The following LENG8 variants were observed in gnomAD, a reference collection of about 807,000 sequenced individuals.
The protein encoded by LENG8 is leukocyte receptor cluster member 8, also known as leukocyte receptor cluster (LRC) member 8.
LENG8 carries 28 observed loss-of-function variants against 102.1 expected under a neutral mutation model. The observed-to-expected ratio is 0.27, with a 90% CI of 0.20 to 0.38. The LOEUF is 0.38. Ranked by LOEUF, LENG8 falls within the 10% of genes least tolerant of loss-of-function variation. LENG8 has a pLI of 1.00. For missense variants in LENG8, 1,022 were observed against 1,113.9 expected, an observed-to-expected ratio of 0.92 and a Z score of 1.17; for synonymous variants, 531 against 456.7, an observed-to-expected ratio of 1.16 and a Z score of -2.07.
chr19:54,460,016 C>A, intron 15 of LENG8: 1 of 1,260,288 alleles, frequency 7.9e-7, no homozygotes, highest in Non-Finnish European at 1.0e-6. Flanking sequence ...GGGCGCCAGT[C>A]TGTCATTGAC....
In LENG8 at chr19:54,461,801, G is replaced by T. The variant is rs1194400614; in HGVS notation, c.*873G>T. On this transcript the variant is annotated 3_prime_UTR_variant, in exon 16 of 16. Transcript: ENST00000326764. Reference sequence around the variant, plus strand: ...TCTTCCTCCTCTCCCTTTTCTTTTTGGCCCTCCCTCCCTCCCTCTTCTGCC... The same window carrying T: ...TCTTCCTCCTCTCCCTTTTCTTTTTTGCCCTCCCTCCCTCCCTCTTCTGCC... 1 of 622,462 alleles carries T rather than the reference G, an allele frequency of 1.6e-6. No homozygotes were observed. The highest frequency in any genetic ancestry group is 2.1e-5 in the Admixed American group (1 of 46,834). The allele number at this position is 622,462 out of a possible 1,614,324, so 38.6% of individuals were successfully genotyped here. A position where few individuals can be genotyped will look rare whatever the true frequency, so the allele number is the denominator to read the frequency against.
chr19:54,452,582 C>A, intron 3 of LENG8, 69 bp from the exon 4 acceptor site: 2 of 1,294,680 alleles, frequency 1.5e-6, no homozygotes, highest in Non-Finnish European at 2.2e-6. Flanking sequence ...AGTAAACAGG[C>A]TTGCCCTTTG....
chr19:54,456,521 C>T, intron 10 of LENG8, 56 bp downstream of exon 10: 1 of 1,550,192 alleles, frequency 6.5e-7, no homozygotes, highest in South Asian at 1.2e-5. Flanking sequence ...GTACTGGGGA[C>T]CCATGGGAGA....
At chr19:54,455,287 A>C in intron 7 of LENG8, 77 bp from the exon 8 acceptor site, 1 of 1,550,608 alleles carries the variant, frequency 6.4e-7, no homozygotes, top group Non-Finnish European at 8.9e-7. Context: ...CCGCTGTGTC[A>C]GCTCAGAGTG....
At chr19:54,457,641 T>A (rs2084321893) in intron 11 of LENG8, 106 bp from the exon 12 acceptor site, 8 of 834,718 alleles carry the variant, frequency 9.6e-6, no homozygotes, top group Non-Finnish European at 1.6e-5. Flanking sequence ...GCGCCTGGCC[T>A]TTTTTTTCTT....
rs146996814 is a variant in LENG8 at position 54,457,792 on chromosome 19, A to C, written c.1777A>C (p.Lys593Gln). ...CATGGTCAAGTGCCACTGGAAAGAGAAGCAGGACTACGCGTTTGCCTGCGA... is the reference window on the plus strand; with the variant it reads ...CATGGTCAAGTGCCACTGGAAAGAGCAGCAGGACTACGCGTTTGCCTGCGA... ...LCMVKCHWKE[K>Q]QDYAFACEQM... is the part of the protein sequence containing the mutation. The change falls in exon 12 of 16, where the codon AAG becomes CAG. Residue 593 changes from lysine to glutamine, a missense_variant. Lys to Gln is a moderately conservative substitution (Grantham distance 53). Transcript: ENST00000326764. The C allele has an allele frequency of 2.9e-4, 471 of 1,614,122 alleles. 1 individual carries two copies. In the African/African-American group the frequency reaches 5.5e-3, roughly 19 times the overall value.
At chr19:54,455,918 T>C (rs1221362990) in intron 8 of LENG8, 49 bp from the exon 9 acceptor site, 18 of 1,567,506 alleles carry the variant, frequency 1.1e-5, no homozygotes, top group Non-Finnish European at 1.5e-5. Context: ...GCGGCTGTCC[T>C]GCCAGTGTCT....
rs1019861550 is a variant in LENG8 at position 54,460,670 on chromosome 19, C to A, written c.2241-96C>A. 10 of 1,452,750 alleles carry A rather than the reference C, an allele frequency of 6.9e-6. No individual in the cohort carries two copies. The African/African-American group carries it at 1.4e-4, about 21-fold the overall frequency. The allele number at this position is 1,452,750 out of a possible 1,614,324, so 90.0% of individuals were successfully genotyped here. A position where few individuals can be genotyped will look rare whatever the true frequency, so the allele number is the denominator to read the frequency against. On this transcript the variant is annotated intron_variant, in intron 15 of 15. Coordinates refer to ENST00000326764, the MANE Select transcript of LENG8 (RefSeq NM_052925.4). ...CAGCAGGCACTGTGCTGAGGAAATC[C>A]TGTGGGCACCCGAATGGGGGGGCCT...
intron 1 of LENG8, among the ~76,000 whole-genome samples, chr19:54,450,618 C>CTT (rs750997555): frequency 7.1e-4 from 77 of 108,796 alleles, no homozygotes; most frequent in African/African-American, 1.1e-3. Context: ...TACTCCCTAG[C>CTT]TTTTTTTTTT....
Position 54,458,343 on chromosome 19 carries a change from C to A in LENG8, c.2062C>A (p.Arg688=). The A allele has an allele frequency of 6.2e-7, 1 of 1,614,052 alleles. No individual in the cohort carries two copies. Among genetic ancestry groups the A allele is most frequent in the Non-Finnish European group, 8.5e-7 (1 of 1,179,994 alleles). Residue 688 remains arginine (R), a synonymous_variant, in exon 15 of 16, where the codon CGA becomes AGA. Coordinates refer to ENST00000326764, the MANE Select transcript of LENG8 (RefSeq NM_052925.4). ...DITTELAYLT[R]ELKADPCVAH... ...CACCACGGAGCTGGCATACCTCACACGAGAACTGAAGGCAGATCCTTGCGT... is the reference window on the plus strand; with the variant it reads ...CACCACGGAGCTGGCATACCTCACAAGAGAACTGAAGGCAGATCCTTGCGT...
intron 15 of LENG8, chr19:54,459,362 C>G (rs1242773514): frequency 1.0e-6 from 1 of 997,776 alleles, no homozygotes; most frequent in Admixed American, 5.4e-5. Context: ...GGTGGCTGTC[C>G]ACGTGAGGTC....
rs539430403 is a variant in LENG8 at position 54,461,322 on chromosome 19, G to A, written c.*394G>A. On this transcript the variant is annotated 3_prime_UTR_variant, in exon 16 of 16. Transcript: ENST00000326764. ...GGGGCCAGTGGAAAGAAGACAGGCC[G>A]TCCAGCCCGTGCCCGCCTGCGGCGG... 88 of 461,684 alleles carry A rather than the reference G, an allele frequency of 1.9e-4. No individual in the cohort carries two copies. Among genetic ancestry groups the A allele is most frequent in the African/African-American group, 1.6e-3 (79 of 50,364 alleles). The allele number at this position is 461,684 out of a possible 1,614,324, so 28.6% of individuals were successfully genotyped here.
intron 11 of LENG8, among the ~76,000 whole-genome samples, chr19:54,457,122 G>A (rs1245082758): frequency 6.6e-6 from 1 of 152,270 alleles, no homozygotes; most frequent in Non-Finnish European, 1.5e-5. Flanking sequence ...TGGCGGGTGT[G>A]CAGCTTGGCC....
chr19:54,455,512 C>T lies in LENG8; in HGVS notation c.970C>T (p.Arg324Trp), dbSNP rs532072007. The change falls in exon 8 of 16, where the codon CGG becomes TGG. Residue 324 changes from arginine to tryptophan, a missense_variant. Physicochemically the swap from Arg to Trp is moderately radical, Grantham distance 101. Transcript: ENST00000326764. ...EKLLKEVLQA[R>W]LQDGSAYTID... ...GCTGCTCAAGGAGGTGCTGCAGGCG[C>T]GGCTGCAGGACGGCTCGGCCTATAC... The T allele has an allele frequency of 1.2e-6, 2 of 1,613,856 alleles. No homozygotes were observed. The highest frequency in any genetic ancestry group is 1.7e-5 in the Admixed American group (1 of 60,024).
rs1215129692 is a variant in LENG8 at position 54,455,280 on chromosome 19, C to A, written c.822-84C>A. ...AGGAAAACTTGGGGACTGCGTCCCG[C>A]TGTGTCAGCTCAGAGTGGCGGTGGG... On this transcript the variant is annotated intron_variant, in intron 7 of 15. Coordinates refer to ENST00000326764, the MANE Select transcript of LENG8 (RefSeq NM_052925.4). 2.0e-6 allele frequency: 3 copies of A among 1,536,174 alleles called. No homozygotes were observed. In the African/African-American group the frequency reaches 4.1e-5, roughly 21 times the overall value.
At chr19:54,456,594 T>C in intron 10 of LENG8, 42 bp from the exon 11 acceptor site, 3 of 1,569,542 alleles carry the variant, frequency 1.9e-6, no homozygotes, top group African/African-American at 1.4e-5. Context: ...GAAGGGGGGC[T>C]GGAGACGCCT....
chr19:54,458,194 A>G lies in LENG8; in HGVS notation c.1994A>G (p.Tyr665Cys), dbSNP rs1190806036. Residue 665 changes from tyrosine (Y) to cysteine (C), a missense_variant, in exon 14 of 16, where the codon TAC (tyrosine) becomes TGC (cysteine). Transcript: ENST00000326764. ...GGCAATGTGGGCGAGTTTACTGCCTACCGAATCCTCTACTACATCTTCACC... is the reference window on the plus strand; with the variant it reads ...GGCAATGTGGGCGAGTTTACTGCCTGCCGAATCCTCTACTACATCTTCACC... Reference protein sequence around the residue: ...LPGNVGEFTAYRILYYIFTKN... With the variant: ...LPGNVGEFTACRILYYIFTKN... 6.2e-7 allele frequency: 1 copy of G among 1,614,206 alleles called. No individual in the cohort carries two copies. Among genetic ancestry groups the G allele is most frequent in the East Asian group, 2.2e-5 (1 of 44,878 alleles).
At chr19:54,454,348 T>C (rs7247170) in intron 5 of LENG8, 82 bp from the exon 6 acceptor site, 562,372 of 1,408,092 alleles carry the variant, frequency 0.4, 115,830 homozygotes, top group East Asian at 0.63. Context: ...CTGTGACCAC[T>C]GCGTCCTCAC....
chr19:54,456,281 A>AG (rs753809897), intron 9 of LENG8, 36 bp downstream of exon 9: 22 of 1,613,780 alleles, frequency 1.4e-5, no homozygotes, highest in Non-Finnish European at 1.8e-5. Context: ...TGTGTGAGGG[A>AG]GGGGGAGGCG....
Sources: allele counts gnomAD v4.1 joint callset (sites outside exome capture counted in the v4.1 genomes callset), GRCh38; gene constraint gnomAD v4.1.1; transcripts MANE v1.5; gene names NCBI Gene and HGNC (gene_info 2026-07-23, HGNC 2026-07-21).